PRKCA: variants seen among roughly 807,000 people sequenced by gnomAD.
PRKCA encodes the protein protein kinase C alpha type.
A neutral mutation model predicts 87.0 loss-of-function variants in PRKCA; 27 were observed. That is an observed-to-expected ratio of 0.31 (90% CI 0.23 to 0.43). PRKCA has a LOEUF of 0.43. Ranked by LOEUF, PRKCA falls within the 20% of genes least tolerant of loss-of-function variation. PRKCA has a pLI of 1.00. For synonymous variants in PRKCA, 329 were observed against 311.1 expected (o/e 1.06, Z -0.61); for missense variants, 518 against 852.3 (o/e 0.61, Z 4.88).
intron 14 of PRKCA, chr17:66,778,279 C>T (rs962482353): frequency 1.0e-5 from 9 of 895,052 alleles, no homozygotes; most frequent in East Asian, 1.2e-4. Context: ...TTCGGGAGGC[C>T]GAGGCGGGCG....
chr17:66,618,431 T>G (rs1970576549), intron 3 of PRKCA, among the ~76,000 whole-genome samples: 2 of 152,192 alleles, frequency 1.3e-5, no homozygotes, highest in African/African-American at 4.8e-5. Flanking sequence ...CATACAGTCT[T>G]TACTCTGTCT....
intron 2 of PRKCA, among the ~76,000 whole-genome samples, chr17:66,466,624 G>C (rs1385800759): frequency 2.3e-4 from 35 of 152,180 alleles, no homozygotes; most frequent in Non-Finnish European, 2.9e-5. Flanking sequence ...TGGAGTCTGT[G>C]CTGTTAAGAA....
chr17:66,602,720 C>T (rs1441478929), intron 3 of PRKCA, among the ~76,000 whole-genome samples: 1 of 152,128 alleles, frequency 6.6e-6, no homozygotes, highest in Non-Finnish European at 1.5e-5. Context: ...GCGTGGAGCG[C>T]TCAGGTTTCA....
chr17:66,369,740 G>A (rs913030777), intron 2 of PRKCA, among the ~76,000 whole-genome samples: 3 of 152,168 alleles, frequency 2.0e-5, no homozygotes, highest in African/African-American at 4.8e-5. Flanking sequence ...GGCCCACTGA[G>A]TGCTGGGCTT....
At chr17:66,356,378 G>A (rs1047860037) in intron 2 of PRKCA, among the ~76,000 whole-genome samples, 1 of 152,138 alleles carries the variant, frequency 6.6e-6, no homozygotes, top group African/African-American at 2.4e-5. Flanking sequence ...GCTCACGCCT[G>A]TAATCCCAGC....
chr17:66,409,043 A>AAAAG (rs1823520479), intron 2 of PRKCA, among the ~76,000 whole-genome samples: 1 of 151,180 alleles, frequency 6.6e-6, no homozygotes, highest in Non-Finnish European at 1.5e-5. Context: ...CAAAAAAAAA[A>AAAAG]AAAAAAAAAA....
intron 8 of PRKCA, chr17:66,696,562 G>A (rs1435643397): frequency 6.6e-6 from 1 of 152,190 alleles, no homozygotes; most frequent in African/African-American, 2.4e-5. Context: ...AAATAGACAT[G>A]ATTTGCCCAA....
chr17:66,396,586 T>C (rs1339830240), intron 2 of PRKCA, among the ~76,000 whole-genome samples: 1 of 152,028 alleles, frequency 6.6e-6, no homozygotes, highest in Non-Finnish European at 1.5e-5. Context: ...TTTAAATGGC[T>C]GTGTAATATT....
chr17:66,625,195 T>C (rs1031487191), intron 3 of PRKCA, among the ~76,000 whole-genome samples: 2 of 152,266 alleles, frequency 1.3e-5, no homozygotes, highest in Non-Finnish European at 2.9e-5. Flanking sequence ...GGCTGTCAAA[T>C]GTTGTGTGCT....
intron 2 of PRKCA, among the ~76,000 whole-genome samples, chr17:66,400,428 A>G (rs1412239796): frequency 6.6e-6 from 1 of 152,234 alleles, no homozygotes; most frequent in Non-Finnish European, 1.5e-5. Context: ...CTGGGATTAC[A>G]GGTATGAGCA....
chr17:66,774,852 A>G (rs1292992667), intron 14 of PRKCA: 1 of 985,266 alleles, frequency 1.0e-6, no homozygotes, highest in Non-Finnish European at 1.2e-6. Context: ...ATTCGTTGTA[A>G]TTTTCACTGA....
At chr17:66,516,345 G>T (rs1271993461) in intron 3 of PRKCA, among the ~76,000 whole-genome samples, 2 of 152,040 alleles carry the variant, frequency 1.3e-5, no homozygotes, top group Non-Finnish European at 2.9e-5. Flanking sequence ...GTGAAAAAAA[G>T]AATAAGGCTG....
intron 5 of PRKCA, among the ~76,000 whole-genome samples, chr17:66,665,228 T>A (rs1181186062): frequency 1.3e-5 from 2 of 152,142 alleles, no homozygotes; most frequent in Non-Finnish European, 2.9e-5. Context: ...ACGGTTCCTA[T>A]TGCATGAAAC....
chr17:66,541,886 C>T (rs1357274360), intron 3 of PRKCA, among the ~76,000 whole-genome samples: 1 of 152,144 alleles, frequency 6.6e-6, no homozygotes, highest in Admixed American at 6.5e-5. Flanking sequence ...TGTCAAGGCC[C>T]TAAGCTTGTA....
intron 2 of PRKCA, among the ~76,000 whole-genome samples, chr17:66,375,993 C>T (rs985451265): frequency 6.6e-6 from 1 of 152,200 alleles, no homozygotes; most frequent in African/African-American, 2.4e-5. Context: ...TTTACAATCT[C>T]AGCAAAGACT....
At chr17:66,536,833 A>G (rs372989740) in intron 3 of PRKCA, among the ~76,000 whole-genome samples, 12 of 152,300 alleles carry the variant, frequency 7.9e-5, no homozygotes, top group East Asian at 7.7e-4. Context: ...CCTTTCTTCT[A>G]TCCTCCTGTA....
chr17:66,458,879 G>C (rs1474864228), intron 2 of PRKCA, among the ~76,000 whole-genome samples: 2 of 152,300 alleles, frequency 1.3e-5, no homozygotes, highest in South Asian at 4.1e-4. Context: ...AAGGCAAAAG[G>C]GGGAAGGAGA....
intron 3 of PRKCA, among the ~76,000 whole-genome samples, chr17:66,501,913 G>T (rs1341965779): frequency 1.3e-5 from 2 of 152,128 alleles, no homozygotes; most frequent in Non-Finnish European, 2.9e-5. Context: ...GCCATTGATT[G>T]CCTGCCTCCG....
intron 2 of PRKCA, among the ~76,000 whole-genome samples, chr17:66,457,523 T>G (rs1457538873): frequency 6.6e-6 from 1 of 152,078 alleles, no homozygotes; most frequent in Non-Finnish European, 1.5e-5. Context: ...ATTGAGATGG[T>G]TTGGCTGTGT....
Sources: allele counts gnomAD v4.1 joint callset (sites outside exome capture counted in the v4.1 genomes callset), GRCh38; gene constraint gnomAD v4.1.1; transcripts MANE v1.5; gene names NCBI Gene and HGNC (gene_info 2026-07-23, HGNC 2026-07-21).